The following AOPEP variants were observed in gnomAD, a reference collection of about 807,000 sequenced individuals.
AOPEP encodes the protein aminopeptidase O (putative), also known as aminopeptidase O.
A neutral mutation model predicts 98.1 loss-of-function variants in AOPEP; 77 were observed. The ratio of observed to expected loss-of-function variants is 0.78; its 90% CI spans 0.65 to 0.95. The LOEUF (loss-of-function observed/expected upper bound fraction) is 0.95, where lower values mean the gene tolerates loss of function less well. AOPEP is among the 40% of genes least tolerant of loss of function. AOPEP has a pLI of 0.00. For synonymous variants in AOPEP, 346 were observed against 365.3 expected, an observed-to-expected ratio of 0.95 and a Z score of 0.60; for missense variants, 1,024 against 1,024.7, an observed-to-expected ratio of 1.00 and a Z score of 0.01.
intron 13 of AOPEP, among the ~76,000 whole-genome samples, chr9:95,047,382 C>G (rs893145468): frequency 2.6e-5 from 4 of 152,154 alleles, no homozygotes; most frequent in Admixed American, 2.0e-4. Flanking sequence ...ATTTAAAGAT[C>G]AAATCAGTAT....
chr9:95,130,993 T>C, the AOPEP span, among the ~76,000 whole-genome samples: 1 of 152,248 alleles, frequency 6.6e-6, no homozygotes, highest in Non-Finnish European at 1.5e-5. Context: ...TTTTACATTT[T>C]CAGATCTATT....
chr9:94,862,932 A>G lies in AOPEP; in HGVS notation c.1365-61054A>G, dbSNP rs78830253. ...GCACAAATACTTGATCATTCACTAGAAAAGAGTTTCAGTGTGTTCGTCGAG... is the reference window on the plus strand; with the variant it reads ...GCACAAATACTTGATCATTCACTAGGAAAGAGTTTCAGTGTGTTCGTCGAG... On this transcript the variant is annotated intron_variant, in intron 5 of 16. Transcript: ENST00000375315. Among the ~76,000 whole-genome samples the G allele has an allele frequency of 7.0e-3, 1,063 of 152,354 alleles. 13 individuals carry two copies. Among genetic ancestry groups the G allele is most frequent in the African/African-American group, 0.025 (1,025 of 41,582 alleles).
At chr9:94,956,804 A>G (rs920569721) in intron 9 of AOPEP, among the ~76,000 whole-genome samples, 1 of 152,230 alleles carries the variant, frequency 6.6e-6, no homozygotes, top group Admixed American at 6.5e-5. Flanking sequence ...TTCATATTTG[A>G]TAATTGTGCT....
chr9:95,090,767 C>T (rs955613831), downstream of AOPEP, among the ~76,000 whole-genome samples: 3 of 152,188 alleles, frequency 2.0e-5, no homozygotes, highest in African/African-American at 7.2e-5. Flanking sequence ...AGGGAGGATA[C>T]AGGAAAGAAA....
the AOPEP span, chr9:95,123,316 A>G: frequency 5.4e-5 from 16 of 297,894 alleles, no homozygotes; most frequent in Admixed American, 6.7e-4. Flanking sequence ...AAAATAAAAT[A>G]AAATAAAAAT....
chr9:94,868,232 G>A (rs1420202564), intron 5 of AOPEP, among the ~76,000 whole-genome samples: 1 of 152,218 alleles, frequency 6.6e-6, no homozygotes, highest in East Asian at 1.9e-4. Flanking sequence ...GCAGCTTGGA[G>A]GCCACAGGTG....
chr9:94,825,243 TG>T (rs1444827831), intron 5 of AOPEP, among the ~76,000 whole-genome samples: 1 of 152,228 alleles, frequency 6.6e-6, no homozygotes, highest in African/African-American at 2.4e-5. Flanking sequence ...TCCCCGTTTT[TG>T]TTTCCTGTTG....
rs184613060 is a variant in AOPEP, at chr9:94,837,262, A to T, written c.1364+36260A>T. On this transcript the variant is annotated intron_variant, in intron 5 of 16. Transcript: ENST00000375315. ...CAAGCAGTGAGATTGAAATGGTAAT[A>T]AAAAAAATTACCAACAAAAAAAGTC... 3.9e-4 allele frequency among the ~76,000 whole-genome samples: 59 copies of T among 152,188 alleles called. 1 individual carries two copies. The East Asian group carries it at 0.011, about 27-fold the overall frequency.
intron 3 of AOPEP, among the ~76,000 whole-genome samples, chr9:94,783,025 A>G (rs1198099565): frequency 2.0e-5 from 3 of 152,176 alleles, no homozygotes; most frequent in African/African-American, 4.8e-5. Flanking sequence ...CCATGTGAGT[A>G]AAGCACTCAA....
intron 16 of AOPEP, 103 bp downstream of exon 16, chr9:95,082,822 G>C: frequency 7.5e-7 from 1 of 1,341,838 alleles, no homozygotes; most frequent in South Asian, 1.3e-5. Flanking sequence ...ACTACCCGCA[G>C]CATCAATAGT....
At chr9:94,977,974 T>C (rs1471506423) in intron 10 of AOPEP, among the ~76,000 whole-genome samples, 2 of 152,188 alleles carry the variant, frequency 1.3e-5, no homozygotes, top group Non-Finnish European at 2.9e-5. Flanking sequence ...TGCCCTTGGC[T>C]AGGGAGGACG....
chr9:94,948,525 C>T (rs1031556699), intron 7 of AOPEP, among the ~76,000 whole-genome samples: 4 of 152,024 alleles, frequency 2.6e-5, no homozygotes, highest in Admixed American at 1.3e-4. Context: ...CTTTGCAAAT[C>T]GGAATAGCTG....
chr9:95,021,144 G>C (rs549705947), intron 13 of AOPEP, among the ~76,000 whole-genome samples: 1 of 152,170 alleles, frequency 6.6e-6, no homozygotes, highest in African/African-American at 2.4e-5. Context: ...GTCTAACTTG[G>C]CTGTTTGTTC....
At chr9:94,991,856 T>C (rs2060910131) in intron 11 of AOPEP, among the ~76,000 whole-genome samples, 1 of 152,194 alleles carries the variant, frequency 6.6e-6, no homozygotes, top group Non-Finnish European at 1.5e-5. Context: ...AAAAAGCTGG[T>C]ATATTTTTTG....
intron 5 of AOPEP, among the ~76,000 whole-genome samples, chr9:94,835,221 A>G (rs1190669817): frequency 6.6e-6 from 1 of 152,158 alleles, no homozygotes; most frequent in Non-Finnish European, 1.5e-5. Context: ...GATTGGTTGG[A>G]CAAGAGTCTA....
At chr9:94,939,941 G>A (rs2137411184) in intron 7 of AOPEP, among the ~76,000 whole-genome samples, 1 of 152,330 alleles carries the variant, frequency 6.6e-6, no homozygotes, top group South Asian at 2.1e-4. Flanking sequence ...AGAACCTGAG[G>A]ATTGGGAGGA....
rs186977093 is a variant in AOPEP, at chr9:94,785,734, A to G, written c.965-7031A>G. On this transcript the variant is annotated intron_variant, in intron 3 of 16. Transcript: ENST00000375315. ...AAAAACTCTGGGTTAATTCAAGTAC[A>G]GTGTGTTCTCTTTGTTTTGCAGCTG... Among the ~76,000 whole-genome samples the G allele has an allele frequency of 1.1e-3, 163 of 152,338 alleles. 2 individuals carry two copies. Among genetic ancestry groups the G allele is most frequent in the African/African-American group, 3.6e-3 (149 of 41,576 alleles).
At chr9:95,036,711 T>TTTTTTTC (rs2064863630) in intron 13 of AOPEP, among the ~76,000 whole-genome samples, 1 of 151,132 alleles carries the variant, frequency 6.6e-6, no homozygotes, top group Admixed American at 6.6e-5. Context: ...TCTTTTTTTT[T>TTTTTTTC]TGTGGGGAAT....
chr9:94,782,995 A>G (rs1196745961), intron 3 of AOPEP, among the ~76,000 whole-genome samples: 3 of 152,100 alleles, frequency 2.0e-5, no homozygotes, highest in African/African-American at 7.2e-5. Flanking sequence ...TTTGTCTTGG[A>G]CTTGACATTC....
Sources: gnomAD v4.1 joint callset for allele counts (sites outside exome capture counted in the v4.1 genomes callset) on GRCh38, gnomAD v4.1.1 for gene constraint, MANE v1.5 for transcripts, NCBI Gene and HGNC (gene_info 2026-07-23, HGNC 2026-07-21) for gene names.